Variants in ZER1 observed in about 807,000 individuals in gnomAD.
ZER1 encodes zyg-11 related cell cycle regulator, also known as protein zer-1 homolog.
In ZER1, 11 loss-of-function variants were observed where a neutral mutation model predicts 78.8. The observed-to-expected ratio is 0.14, with a 90% CI of 0.09 to 0.23. The LOEUF is 0.23. Among genes scored for constraint, ZER1 ranks in the 10% least tolerant of loss-of-function variants. The probability of loss-of-function intolerance (pLI) is 1.00; values close to 1 mark genes in which losing one functional copy is unlikely to be tolerated. For synonymous variants in ZER1, 400 were observed against 407.0 expected (o/e 0.98, Z 0.21); for missense variants, 588 against 996.9 (o/e 0.59, Z 5.52).
chr9:128,753,124 C>G lies in ZER1; in HGVS notation c.746+40G>C. The stretch of plus-strand genomic sequence containing the variant: ...CACCTCTACTCCTCCCCACCTGCCC[C>G]CCAAACCCCACCCTGGTGAGCTCTG... On this transcript the variant is annotated intron_variant, in intron 4 of 15. Transcript: ENST00000291900. The surrounding 1 kb of genome is among the most constrained non-coding windows in gnomAD (Gnocchi z 7.5). 1 of 1,492,446 alleles carries G rather than the reference C, an allele frequency of 6.7e-7. No individual in the cohort carries two copies. Among genetic ancestry groups the G allele is most frequent in the Non-Finnish European group, 8.9e-7 (1 of 1,119,884 alleles). 92.5% of individuals were successfully genotyped at this position (1,492,446 alleles called of 1,614,324 possible). A position where few individuals can be genotyped will look rare whatever the true frequency, so the allele number is the denominator to read the frequency against.
intron 15 of ZER1, among the ~76,000 whole-genome samples, chr9:128,731,871 GCACAAGGGCCCC>G (rs1185770832): frequency 2.6e-5 from 4 of 152,220 alleles, no homozygotes; most frequent in Admixed American, 2.6e-4. Flanking sequence ...AGCTGTGCTC[GCACAAGGGCCCC>G]CACTACCCTG....
intron 8 of ZER1, among the ~76,000 whole-genome samples, chr9:128,746,847 G>C (rs1863509668): frequency 6.6e-6 from 1 of 151,916 alleles, no homozygotes; most frequent in African/African-American, 2.4e-5. Flanking sequence ...TGTTGGCCAG[G>C]CTGGTCTTGA....
chr9:128,731,437 T>TGGGGGGGTTGGGGGGGGGGGGTGGGGG, intron 15 of ZER1, 43 bp from the exon 16 acceptor site: 1 of 451,598 alleles, frequency 2.2e-6, no homozygotes, highest in Non-Finnish European at 4.3e-6. Flanking sequence ...TGGGCTTGGG[T>TGGGGGGGTTGGGGGGGGGGGGTGGGGG]GGGGGTGAGC....
rs1564402857 is a variant in ZER1, at chr9:128,752,789, C to T, written c.807G>A (p.Glu269=). The T allele has an allele frequency of 3.1e-6, 5 of 1,614,188 alleles. No homozygotes were observed. The highest frequency in any genetic ancestry group is 4.2e-6 in the Non-Finnish European group (5 of 1,180,040). The change falls in exon 5 of 16, where the codon GAG becomes GAA. Residue 269 remains glutamate, a synonymous_variant. Coordinates refer to ENST00000291900, the MANE Select transcript of ZER1 (RefSeq NM_006336.4). ...SSYYKFKLTR[E]VLSLFVQKLG... Reference sequence around the variant, plus strand: ...GCTTCTGCACAAAGAGGCTCAGCACCTCCCGAGTCAGCTTGAACTTGTAGT... The same window carrying T: ...GCTTCTGCACAAAGAGGCTCAGCACTTCCCGAGTCAGCTTGAACTTGTAGT...
Position 128,754,273 on chromosome 9 carries a change from T to C in ZER1, c.159-314A>G, listed in dbSNP as rs1198134809. On this transcript the variant is annotated intron_variant, in intron 2 of 15. Coordinates refer to ENST00000291900, the MANE Select transcript of ZER1 (RefSeq NM_006336.4). This position sits in a 1 kb window ranked among gnomAD's most constrained non-coding sequence, Gnocchi z 4.3. ...AGCAGCCCCACTGGCATGGCCACTCTCGTCACCTTCTTTAAGCCCCTCCTG... is the reference window on the plus strand; with the variant it reads ...AGCAGCCCCACTGGCATGGCCACTCCCGTCACCTTCTTTAAGCCCCTCCTG... Among the ~76,000 whole-genome samples, 4 of 152,202 alleles carry C rather than the reference T, an allele frequency of 2.6e-5. No homozygotes were observed. The East Asian group carries it at 7.7e-4, about 29-fold the overall frequency.
intron 8 of ZER1, among the ~76,000 whole-genome samples, chr9:128,745,319 T>A (rs1426117413): frequency 2.6e-5 from 4 of 151,348 alleles, no homozygotes; most frequent in Non-Finnish European, 4.4e-5. Context: ...CCTGAGTAGC[T>A]GGGACTACAG....
rs1863268577 is a variant in ZER1 at position 128,740,908 on chromosome 9, G to A, written c.1738-21C>T. On this transcript the variant is annotated intron_variant, in intron 11 of 15. Coordinates refer to ENST00000291900, the MANE Select transcript of ZER1 (RefSeq NM_006336.4). The surrounding 1 kb of genome is among the most constrained non-coding windows in gnomAD (Gnocchi z 4.4). ...AATTCCTGGGAAAAGGAGAGCCAAT[G>A]GGCCGCATCAATTAGTACTTAATGA... 1.3e-6 allele frequency: 1 copy of A among 779,960 alleles called. No homozygotes were observed. The highest frequency in any genetic ancestry group is 1.7e-5 in the Admixed American group (1 of 58,670). The allele number at this position is 779,960 out of a possible 1,614,324, so 48.3% of individuals were successfully genotyped here. A position where few individuals can be genotyped will look rare whatever the true frequency, so the allele number is the denominator to read the frequency against.
Position 128,751,095 on chromosome 9 carries a change from G to A in ZER1, c.1185+27C>T, listed in dbSNP as rs376634046. 9.5e-5 allele frequency: 149 copies of A among 1,565,446 alleles called. 1 individual carries two copies. Among genetic ancestry groups the A allele is most frequent in the Middle Eastern group, 2.1e-4 (1 of 4,736 alleles). ...AACCTCCAGGTGGGGAGGGACAGGA[G>A]GCCAAGGCCCCAGGCTTGGAGCTGA... On this transcript the variant is annotated intron_variant, in intron 7 of 15. Transcript: ENST00000291900. This position sits in a 1 kb window ranked among gnomAD's most constrained non-coding sequence, Gnocchi z 5.4.
rs753883126 is a variant in ZER1, at chr9:128,755,493, G to A, written c.73C>T (p.Leu25=). 30 of 1,613,914 alleles carry A rather than the reference G, an allele frequency of 1.9e-5. No homozygotes were observed. Among genetic ancestry groups the A allele is most frequent in the African/African-American group, 4.0e-5 (3 of 74,878 alleles). Residue 25 remains leucine, a synonymous_variant, in exon 2 of 16, where the codon CTG becomes TTG. Coordinates refer to ENST00000291900, the MANE Select transcript of ZER1 (RefSeq NM_006336.4). This position sits in a 1 kb window ranked among gnomAD's most constrained non-coding sequence, Gnocchi z 5.6. ...DFCLRNLDGT[L]GYLLDKETLR... is the part of the protein sequence containing the mutation. ...GTCTCCTTGTCCAGCAGGTAGCCCA[G>A]GGTGCCATCCAGGTTGCGCAAGCAG...
chr9:128,735,761 G>GTTTTTTTTTT (rs1564391224), intron 13 of ZER1, among the ~76,000 whole-genome samples: 4 of 26,788 alleles, frequency 1.5e-4, no homozygotes, highest in Admixed American at 5.1e-4. Flanking sequence ...GTGTGACCTG[G>GTTTTTTTTTT]TTTTTTTTTT....
intron 1 of ZER1, among the ~76,000 whole-genome samples, chr9:128,762,823 G>A (rs1451573095): frequency 2.0e-5 from 3 of 152,146 alleles, no homozygotes; most frequent in African/African-American, 7.2e-5. Context: ...CCCGGGCATG[G>A]CCTTCCTTTG....
intron 1 of ZER1, among the ~76,000 whole-genome samples, chr9:128,761,083 G>A (rs1387798296): frequency 1.3e-5 from 2 of 150,256 alleles, no homozygotes; most frequent in South Asian, 2.1e-4. Flanking sequence ...GTGTGAACCC[G>A]GGAGGCGGAG....
chr9:128,736,402 T>A (rs892166793), intron 13 of ZER1, among the ~76,000 whole-genome samples: 17 of 150,910 alleles, frequency 1.1e-4, no homozygotes, highest in Admixed American at 5.9e-4. Context: ...TCTTTGTTTT[T>A]TTTTTTTTTG....
At chr9:128,771,014 A>G (rs1864366453) in intron 1 of ZER1, among the ~76,000 whole-genome samples, 1 of 152,148 alleles carries the variant, frequency 6.6e-6, no homozygotes, top group East Asian at 1.9e-4. Context: ...TATTTAAAGA[A>G]AAACAAAACA....
At chr9:128,746,568 A>G (rs1176459136) in intron 8 of ZER1, among the ~76,000 whole-genome samples, 5 of 150,990 alleles carry the variant, frequency 3.3e-5, no homozygotes, top group Non-Finnish European at 7.4e-5. Flanking sequence ...GGCTCAAGCA[A>G]TCATCCCACC....
In ZER1 at chr9:128,751,076, C is replaced by T; in HGVS notation, c.1185+46G>A. Reference sequence around the variant, plus strand: ...CGGCTCAGCCAAGCCCGGCAACCTCCAGGTGGGGAGGGACAGGAGGCCAAG... The same window carrying T: ...CGGCTCAGCCAAGCCCGGCAACCTCTAGGTGGGGAGGGACAGGAGGCCAAG... On this transcript the variant is annotated intron_variant, in intron 7 of 15. Transcript: ENST00000291900. This position sits in a 1 kb window ranked among gnomAD's most constrained non-coding sequence, Gnocchi z 5.4. 6.5e-7 allele frequency: 1 copy of T among 1,546,522 alleles called. No individual in the cohort carries two copies.
chr9:128,733,521 C>T lies in ZER1; in HGVS notation c.2148G>A (p.Lys716=). Reference sequence around the variant, plus strand: ...CTTCTTTGATCAGCAGAGGGCAGTACTTGTCCGCTGTGGGATAGGAGCAGA... The same window carrying T: ...CTTCTTTGATCAGCAGAGGGCAGTATTTGTCCGCTGTGGGATAGGAGCAGA... ...LYNLVSVYPD[K]YCPLLIKEGG... is the part of the protein sequence containing the mutation. The change falls in exon 15 of 16, where the codon AAG becomes AAA. Residue 716 remains lysine (K), a synonymous_variant. Transcript: ENST00000291900. 6.2e-7 allele frequency: 1 copy of T among 1,613,180 alleles called. No individual in the cohort carries two copies. Among genetic ancestry groups the T allele is most frequent in the Non-Finnish European group, 8.5e-7 (1 of 1,179,662 alleles).
Position 128,740,913 on chromosome 9 carries a change from G to T in ZER1, c.1738-26C>A. On this transcript the variant is annotated intron_variant, in intron 11 of 15. Transcript: ENST00000291900. The surrounding 1 kb of genome is among the most constrained non-coding windows in gnomAD (Gnocchi z 4.4). The stretch of plus-strand genomic sequence containing the variant: ...CTGGGAAAAGGAGAGCCAATGGGCC[G>T]CATCAATTAGTACTTAATGACTTAG... The T allele has an allele frequency of 1.3e-6, 1 of 778,938 alleles. No individual in the cohort carries two copies. The highest frequency in any genetic ancestry group is 2.4e-6 in the Non-Finnish European group (1 of 417,206). 48.3% of individuals were successfully genotyped at this position (778,938 alleles called of 1,614,324 possible).
rs987765387 is a variant in ZER1 at position 128,753,359 on chromosome 9, C to T, written c.551G>A (p.Arg184His). ...FSRLRFLNLG[R>H]MIDWVPVESL... ...CTCCACAGGGACCCAATCAATCATG[C>T]GGCCCAAGTTGAGGAAGCGGAGGCG... The change falls in exon 4 of 16, where the codon CGC becomes CAC. Residue 184 changes from arginine (R) to histidine (H), a missense_variant. Physicochemically the swap from Arg to His is conservative, Grantham distance 29 (BLOSUM62 0). Transcript: ENST00000291900. This position sits in a 1 kb window ranked among gnomAD's most constrained non-coding sequence, Gnocchi z 7.5. 1.9e-6 allele frequency: 3 copies of T among 1,613,388 alleles called. No homozygotes were observed. Among genetic ancestry groups the T allele is most frequent in the East Asian group, 2.2e-5 (1 of 44,868 alleles).
Sources: allele counts gnomAD v4.1 joint callset (sites outside exome capture counted in the v4.1 genomes callset), GRCh38; gene constraint gnomAD v4.1.1; non-coding constraint Gnocchi (gnomAD v3.1); transcripts MANE v1.5; gene names NCBI Gene and HGNC (gene_info 2026-07-23, HGNC 2026-07-21).